Variants in PPP2R3A observed in about 807,000 individuals in gnomAD.
PPP2R3A encodes serine/threonine-protein phosphatase 2A regulatory subunit B'' subunit alpha.
PPP2R3A carries 80 observed loss-of-function variants against 106.9 expected under a neutral mutation model. The ratio of observed to expected loss-of-function variants is 0.75; its 90% CI spans 0.62 to 0.90. The LOEUF (loss-of-function observed/expected upper bound fraction) is 0.90, where lower values mean the gene tolerates loss of function less well. Among genes scored for constraint, PPP2R3A ranks in the 40% least tolerant of loss-of-function variants. PPP2R3A has a pLI of 0.00. For synonymous variants in PPP2R3A, 483 were observed against 468.3 expected (o/e 1.03, Z -0.41); for missense variants, 1,386 against 1,350.4 (o/e 1.03, Z -0.41).
rs766463346 is a variant in PPP2R3A, at chr3:136,106,208, C to A, written c.3223-8C>A. The A allele has an allele frequency of 1.9e-6, 3 of 1,601,986 alleles. No homozygotes were observed. In the African/African-American group the frequency reaches 4.1e-5, roughly 22 times the overall value. The stretch of plus-strand genomic sequence containing the variant: ...TTTATTTCTCGTGGCTGTCTTCTTT[C>A]CAATCAGGATGTTGAGAACGATGGG... On this transcript the variant is annotated splice_polypyrimidine_tract_variant and splice_region_variant and intron_variant, in intron 12 of 13. Coordinates refer to ENST00000264977, the MANE Select transcript of PPP2R3A (RefSeq NM_002718.5).
chr3:136,018,837 C>T (rs894596852), intron 2 of PPP2R3A, among the ~76,000 whole-genome samples: 10 of 152,198 alleles, frequency 6.6e-5, no homozygotes, highest in Non-Finnish European at 1.3e-4. Flanking sequence ...AACTCATGCC[C>T]AGCAGCCTAT....
At chr3:136,032,356 C>T (rs753204010) in intron 3 of PPP2R3A, among the ~76,000 whole-genome samples, 5 of 152,078 alleles carry the variant, frequency 3.3e-5, no homozygotes, top group African/African-American at 9.7e-5. Flanking sequence ...TATAGAAGAG[C>T]TACTGATTCG....
intron 1 of PPP2R3A, among the ~76,000 whole-genome samples, chr3:135,981,614 G>A (rs963057743): frequency 1.3e-5 from 2 of 151,778 alleles, no homozygotes; most frequent in African/African-American, 4.9e-5. Flanking sequence ...CTGTTTTAGT[G>A]TTAGGATGCA....
At chr3:135,974,198 G>T (rs189600089) in intron 1 of PPP2R3A, among the ~76,000 whole-genome samples, 2 of 152,040 alleles carry the variant, frequency 1.3e-5, no homozygotes, top group African/African-American at 2.4e-5. Flanking sequence ...TCTTCCTGAC[G>T]CCTAAAAGTT....
intron 13 of PPP2R3A, 109 bp from the exon 14 acceptor site, chr3:136,144,934 A>G: frequency 7.7e-7 from 1 of 1,292,136 alleles, no homozygotes; most frequent in Non-Finnish European, 1.1e-6. Context: ...CCATTTAGCA[A>G]TTCAAGGTAC....
intron 12 of PPP2R3A, 114 bp from the exon 13 acceptor site, chr3:136,106,102 T>C: frequency 1.2e-6 from 1 of 867,764 alleles, no homozygotes. Flanking sequence ...CCTGTTGAAA[T>C]GAAACATTTT....
chr3:136,145,010 A>T, intron 13 of PPP2R3A, 33 bp from the exon 14 acceptor site: 1 of 1,597,556 alleles, frequency 6.3e-7, no homozygotes, highest in Middle Eastern at 1.7e-4. Flanking sequence ...TAATCAATCA[A>T]TCAGTTAATT....
In PPP2R3A at chr3:136,037,290, TCA is replaced by T. The variant is rs533134081; in HGVS notation, c.2263-3568_2263-3567del. Among the ~76,000 whole-genome samples, 20 of 152,368 alleles carry T rather than the reference TCA, an allele frequency of 1.3e-4. No homozygotes were observed. The East Asian group carries it at 3.7e-3, about 28-fold the overall frequency. Reference sequence around the variant, plus strand: ...TTAATGCTTACATCTGGTTAAATTCTCAGTGTGTAGTTTGTACGTTTTTCCAC... The same window carrying T: ...TTAATGCTTACATCTGGTTAAATTCTGTGTGTAGTTTGTACGTTTTTCCAC... On this transcript the variant is annotated intron_variant, in intron 3 of 13. Transcript: ENST00000264977.
intron 13 of PPP2R3A, among the ~76,000 whole-genome samples, chr3:136,130,117 G>A (rs1938347840): frequency 6.6e-6 from 1 of 152,162 alleles, no homozygotes; most frequent in African/African-American, 2.4e-5. Context: ...AGACAAGGAT[G>A]CCCTCTCTAA....
At chr3:136,067,869 A>G (rs1936307497) in intron 5 of PPP2R3A, among the ~76,000 whole-genome samples, 1 of 152,252 alleles carries the variant, frequency 6.6e-6, no homozygotes, top group Non-Finnish European at 1.5e-5. Context: ...CAAGGAAAAT[A>G]CAAGATAAAC....
At chr3:136,138,093 CAT>C (rs1484027178) in intron 13 of PPP2R3A, among the ~76,000 whole-genome samples, 2 of 152,150 alleles carry the variant, frequency 1.3e-5, no homozygotes, top group African/African-American at 2.4e-5. Context: ...TATTCTAAAA[CAT>C]GAGTTATAAT....
chr3:136,004,475 A>G (rs1330603161), intron 2 of PPP2R3A, among the ~76,000 whole-genome samples: 3 of 152,168 alleles, frequency 2.0e-5, no homozygotes, highest in Non-Finnish European at 4.4e-5. Flanking sequence ...ACTTGGACAC[A>G]CTTCATTTCT....
chr3:136,020,104 T>C (rs112005861), intron 2 of PPP2R3A, among the ~76,000 whole-genome samples: 3,546 of 152,128 alleles, frequency 0.023, 154 homozygotes, highest in African/African-American at 0.079. Context: ...ATTTGTTGAG[T>C]AATTGAATGA....
At chr3:136,121,904 A>T (rs180727105) in intron 13 of PPP2R3A, among the ~76,000 whole-genome samples, 3 of 152,146 alleles carry the variant, frequency 2.0e-5, no homozygotes, top group African/African-American at 4.8e-5. Context: ...TTTTTTTCCC[A>T]ATGTTCCCTT....
At chr3:136,120,014 C>T (rs1429519158) in intron 13 of PPP2R3A, among the ~76,000 whole-genome samples, 3 of 151,806 alleles carry the variant, frequency 2.0e-5, no homozygotes, top group African/African-American at 7.3e-5. Context: ...CCATGGAATA[C>T]TATGCAGCCA....
chr3:136,042,706 G>A (rs1486133656), intron 4 of PPP2R3A, among the ~76,000 whole-genome samples: 2 of 152,218 alleles, frequency 1.3e-5, no homozygotes, highest in Non-Finnish European at 2.9e-5. Flanking sequence ...TATAGCATGA[G>A]CAACTATCCC....
Position 136,027,001 on chromosome 3 carries a change from G to A in PPP2R3A, c.2165G>A (p.Cys722Tyr), listed in dbSNP as rs1934687469. The A allele has an allele frequency of 1.9e-6, 3 of 1,612,598 alleles. No homozygotes were observed. The highest frequency in any genetic ancestry group is 2.2e-5 in the South Asian group (2 of 91,050). ...TTTCCTGAAGGACTCCCAGATACCTGTAGTAATCATGAACAAACTCTAAGC... is the reference window on the plus strand; with the variant it reads ...TTTCCTGAAGGACTCCCAGATACCTATAGTAATCATGAACAAACTCTAAGC... Reference protein sequence around the residue: ...FYFPEGLPDTCSNHEQTLSRI... With the variant: ...FYFPEGLPDTYSNHEQTLSRI... The change falls in exon 3 of 14, where the codon TGT (cysteine) becomes TAT (tyrosine). Residue 722 changes from cysteine to tyrosine, a missense_variant. Transcript: ENST00000264977.
At chr3:135,971,337 G>A (rs1937240881) in intron 1 of PPP2R3A, among the ~76,000 whole-genome samples, 1 of 152,168 alleles carries the variant, frequency 6.6e-6, no homozygotes, top group Non-Finnish European at 1.5e-5. Flanking sequence ...CGAAGACTTG[G>A]TGTTAGAGTG....
At chr3:136,144,239 G>A (rs1288523451) in intron 13 of PPP2R3A, among the ~76,000 whole-genome samples, 2 of 152,196 alleles carry the variant, frequency 1.3e-5, no homozygotes, top group African/African-American at 4.8e-5. Context: ...ATGCTATAGA[G>A]ACCTAAAAAG....
Sources: allele counts gnomAD v4.1 joint callset (sites outside exome capture counted in the v4.1 genomes callset), GRCh38; gene constraint gnomAD v4.1.1; transcripts MANE v1.5; gene names NCBI Gene and HGNC (gene_info 2026-07-23, HGNC 2026-07-21).